Variants in SRBD1 observed in about 807,000 individuals in gnomAD.
SRBD1 encodes S1 RNA binding domain 1.
Under a neutral mutation model 115.3 loss-of-function variants are expected in SRBD1, and 88 were observed. That is an observed-to-expected ratio of 0.76 (90% CI 0.64 to 0.91). SRBD1 has a LOEUF of 0.91. SRBD1 is among the 40% of genes least tolerant of loss of function. SRBD1 has a pLI of 0.00. For synonymous variants in SRBD1, 509 were observed against 407.7 expected (o/e 1.25, Z -2.99); for missense variants, 1,385 against 1,177.4 (o/e 1.18, Z -2.58).
At chr2:45,439,388 G>A (rs1668594150) in intron 16 of SRBD1, among the ~76,000 whole-genome samples, 1 of 143,068 alleles carries the variant, frequency 7.0e-6, no homozygotes, top group Non-Finnish European at 1.5e-5. Flanking sequence ...TAAAACAATT[G>A]ATGAATGCAT....
At chr2:45,553,233 T>A (rs1340937816) in intron 11 of SRBD1, among the ~76,000 whole-genome samples, 1 of 152,218 alleles carries the variant, frequency 6.6e-6, no homozygotes, top group Non-Finnish European at 1.5e-5. Flanking sequence ...TTATCATTGC[T>A]GATAATTTTT....
chr2:45,422,727 GAGA>G (rs749191769), intron 16 of SRBD1, among the ~76,000 whole-genome samples: 33 of 152,206 alleles, frequency 2.2e-4, no homozygotes, highest in Non-Finnish European at 3.8e-4. Flanking sequence ...CAAAGCATGT[GAGA>G]AGTTTATCTA....
intron 14 of SRBD1, among the ~76,000 whole-genome samples, chr2:45,521,765 T>C (rs1379499695): frequency 6.6e-6 from 1 of 152,048 alleles, no homozygotes; most frequent in Non-Finnish European, 1.5e-5. Context: ...TTAGGAGTTC[T>C]ACACTAGCCT....
chr2:45,471,272 T>G (rs1669640607), intron 16 of SRBD1, among the ~76,000 whole-genome samples: 1 of 152,170 alleles, frequency 6.6e-6, no homozygotes, highest in Admixed American at 6.5e-5. Flanking sequence ...TTTTCTTCAA[T>G]GTAAACACAT....
rs76866332 is a variant in SRBD1 at position 45,547,141 on chromosome 2, A to G, written c.1767-302T>C. On this transcript the variant is annotated intron_variant, in intron 13 of 20. Coordinates refer to ENST00000263736, the MANE Select transcript of SRBD1 (RefSeq NM_018079.5). ...GATAAGTCAACTCTGGAGCATTCTA[A>G]GCCATCTAAGCCGTAATAAAGATAT... 7.7e-3 allele frequency among the ~76,000 whole-genome samples: 1,172 copies of G among 152,322 alleles called. 15 individuals carry two copies. The highest frequency in any genetic ancestry group is 0.027 in the African/African-American group (1,102 of 41,564).
intron 16 of SRBD1, among the ~76,000 whole-genome samples, chr2:45,431,797 C>T (rs1206476468): frequency 6.6e-6 from 1 of 151,586 alleles, no homozygotes; most frequent in Non-Finnish European, 1.5e-5. Flanking sequence ...CAAAAACAAA[C>T]CAGTAGACCA....
At chr2:45,579,781 A>G in intron 7 of SRBD1, 94 bp downstream of exon 7, 2 of 1,344,112 alleles carry the variant, frequency 1.5e-6, no homozygotes, top group South Asian at 2.0e-5. Context: ...CTTTTGTATA[A>G]TCAGTACTTA....
At chr2:45,536,381 C>G (rs1354330213) in intron 14 of SRBD1, among the ~76,000 whole-genome samples, 2 of 151,860 alleles carry the variant, frequency 1.3e-5, no homozygotes, top group Non-Finnish European at 2.9e-5. Context: ...CTGACATACT[C>G]TAATAGGTAG....
intron 16 of SRBD1, among the ~76,000 whole-genome samples, chr2:45,468,326 G>T (rs1467045690): frequency 1.3e-5 from 2 of 149,642 alleles, no homozygotes; most frequent in South Asian, 2.1e-4. Flanking sequence ...TATCTTTCCA[G>T]TTTCCAGATG....
intron 4 of SRBD1, among the ~76,000 whole-genome samples, chr2:45,598,544 G>T (rs963693386): frequency 6.6e-6 from 1 of 151,952 alleles, no homozygotes; most frequent in Non-Finnish European, 1.5e-5. Context: ...AACCCGGGAG[G>T]TGGAGCTGAC....
chr2:45,603,814 G>C (rs1204164439), intron 2 of SRBD1, among the ~76,000 whole-genome samples: 1 of 152,102 alleles, frequency 6.6e-6, no homozygotes, highest in African/African-American at 2.4e-5. Flanking sequence ...ACAGGTGTGA[G>C]CCACCACACC....
At chr2:45,407,301 G>A (rs961143697) in intron 19 of SRBD1, among the ~76,000 whole-genome samples, 1 of 152,116 alleles carries the variant, frequency 6.6e-6, no homozygotes, top group Non-Finnish European at 1.5e-5. Flanking sequence ...ATATTTTTCT[G>A]TCTCCAATTT....
intron 5 of SRBD1, among the ~76,000 whole-genome samples, chr2:45,582,448 C>G (rs1486228962): frequency 6.6e-6 from 1 of 152,074 alleles, no homozygotes; most frequent in Non-Finnish European, 1.5e-5. Context: ...GTGGGTTTCT[C>G]CAAGACACAG....
chr2:45,417,246 T>C (rs2103626998), intron 18 of SRBD1, among the ~76,000 whole-genome samples: 1 of 152,348 alleles, frequency 6.6e-6, no homozygotes, highest in African/African-American at 2.4e-5. Flanking sequence ...AAGTCTATGA[T>C]AAATCTGTAA....
chr2:45,488,336 G>C lies in SRBD1; in HGVS notation c.1875-5C>G, dbSNP rs201271916. The C allele has an allele frequency of 6.2e-7, 1 of 1,609,920 alleles. No homozygotes were observed. The highest frequency in any genetic ancestry group is 1.3e-5 in the African/African-American group (1 of 74,664). ...GCTCCTGCTTCACTGACGATACTGA[G>C]AAGACAGAAAAAGGGGAATATCACT... On this transcript the variant is annotated splice_polypyrimidine_tract_variant and splice_region_variant and intron_variant, in intron 14 of 20. Transcript: ENST00000263736.
intron 7 of SRBD1, among the ~76,000 whole-genome samples, chr2:45,577,817 C>T (rs1673226917): frequency 2.0e-5 from 3 of 151,430 alleles, no homozygotes; most frequent in Non-Finnish European, 4.4e-5. Context: ...ACATTCCTAT[C>T]AAACTTAAAA....
intron 19 of SRBD1, among the ~76,000 whole-genome samples, chr2:45,398,355 A>G (rs1330441024): frequency 6.6e-6 from 1 of 152,058 alleles, no homozygotes; most frequent in African/African-American, 2.4e-5. Flanking sequence ...TCCTGCATAT[A>G]TGAGTAGAAG....
At position 45,544,364 on chromosome 2, in the gene SRBD1, C is replaced by T. The variant is rs74530964; in HGVS notation, c.1874+2368G>A. 1.7e-3 allele frequency among the ~76,000 whole-genome samples: 259 copies of T among 152,174 alleles called. 9 individuals carry two copies. In the East Asian group the frequency reaches 0.046, roughly 27 times the overall value. On this transcript the variant is annotated intron_variant, in intron 14 of 20. Coordinates refer to ENST00000263736, the MANE Select transcript of SRBD1 (RefSeq NM_018079.5). Reference sequence around the variant, plus strand: ...CATAACACATTCCATTTTAAATCTTCACAGTGGTCAATGGTGCTAACAGGT... The same window carrying T: ...CATAACACATTCCATTTTAAATCTTTACAGTGGTCAATGGTGCTAACAGGT...
intron 16 of SRBD1, among the ~76,000 whole-genome samples, chr2:45,426,355 G>C (rs1365504343): frequency 2.6e-5 from 4 of 152,192 alleles, no homozygotes; most frequent in South Asian, 4.1e-4. Flanking sequence ...CCCAGTCAGG[G>C]GCTTATAGAT....
Sources: allele counts gnomAD v4.1 joint callset (sites outside exome capture counted in the v4.1 genomes callset), GRCh38; gene constraint gnomAD v4.1.1; transcripts MANE v1.5; gene names NCBI Gene and HGNC (gene_info 2026-07-23, HGNC 2026-07-21).